Variants in CAMTA1 observed in about 807,000 individuals in gnomAD.
CAMTA1 encodes the protein calmodulin binding transcription activator 1, also known as calmodulin-binding transcription activator 1.
In CAMTA1, 27 loss-of-function variants were observed where a neutral mutation model predicts 170.9. The observed-to-expected ratio is 0.16, with a 90% CI of 0.12 to 0.22. CAMTA1 has a LOEUF of 0.22. Ranked by LOEUF, CAMTA1 falls within the 10% of genes least tolerant of loss-of-function variation. CAMTA1 has a pLI of 1.00. For missense variants in CAMTA1, 1,619 were observed against 2,217.2 expected (o/e 0.73, Z 5.42); for synonymous variants, 833 against 891.5 (o/e 0.93, Z 1.17).
chr1:7,073,732 A>G (rs897680110), intron 3 of CAMTA1, among the ~76,000 whole-genome samples: 6 of 152,214 alleles, frequency 3.9e-5, no homozygotes, highest in African/African-American at 1.2e-4. Flanking sequence ...GATGACCTTG[A>G]CAACAGTTGT....
At chr1:7,406,056 C>T (rs1050630472) in intron 5 of CAMTA1, among the ~76,000 whole-genome samples, 7 of 152,242 alleles carry the variant, frequency 4.6e-5, no homozygotes, top group Admixed American at 1.3e-4. Flanking sequence ...TGGTGAGGAA[C>T]AGGGGTCCCC....
At chr1:7,755,936 G>C (rs952164089) in intron 22 of CAMTA1, among the ~76,000 whole-genome samples, 3 of 152,188 alleles carry the variant, frequency 2.0e-5, no homozygotes, top group Admixed American at 6.5e-5. Context: ...CCGAGGATGC[G>C]GTGGAGGAAG....
intron 4 of CAMTA1, among the ~76,000 whole-genome samples, chr1:7,145,427 A>C (rs1646126971): frequency 6.6e-6 from 1 of 152,200 alleles, no homozygotes; most frequent in South Asian, 2.1e-4. Flanking sequence ...GTGCAGGGAA[A>C]ATTGGGCTTT....
rs544508198 is a variant in CAMTA1, at chr1:7,669,317, G to A, written c.2653-1594G>A. Among the ~76,000 whole-genome samples the A allele has an allele frequency of 7.9e-5, 12 of 152,380 alleles. No homozygotes were observed. In the South Asian group the frequency reaches 2.5e-3, roughly 32 times the overall value. ...AGTCTCTTTTCCTGGCTGGGCAATGGGAGGAGCTACTTCCACCTCATCCCT... is the reference window on the plus strand; with the variant it reads ...AGTCTCTTTTCCTGGCTGGGCAATGAGAGGAGCTACTTCCACCTCATCCCT... On this transcript the variant is annotated intron_variant, in intron 9 of 22. Transcript: ENST00000303635.
rs774307423 is a variant in CAMTA1, at chr1:7,732,507, G to A, written c.2974G>A (p.Glu992Lys). The change falls in exon 12 of 23, where the codon GAG becomes AAG. Residue 992 changes from glutamate to lysine, a missense_variant. Physicochemically the swap from Glu to Lys is moderately conservative, Grantham distance 56. Coordinates refer to ENST00000303635, the MANE Select transcript of CAMTA1 (RefSeq NM_015215.4). The surrounding 1 kb of genome is among the most constrained non-coding windows in gnomAD (Gnocchi z 4.1). ...GGAGCAGATGGAGAGGAGGATGGCC[G>A]AGATGACGGGGTCCCAGCAGCACAA... ...RLEQMERRMA[E>K]MTGSQQHKQA... The A allele has an allele frequency of 8.7e-6, 14 of 1,613,862 alleles. No individual in the cohort carries two copies. The highest frequency in any genetic ancestry group is 1.3e-5 in the African/African-American group (1 of 74,910).
intron 3 of CAMTA1, among the ~76,000 whole-genome samples, chr1:7,011,263 G>T (rs1441735900): frequency 6.6e-6 from 1 of 152,184 alleles, no homozygotes; most frequent in Non-Finnish European, 1.5e-5. Flanking sequence ...GGAGGGCAAT[G>T]CTGTGATCTC....
chr1:7,128,539 C>T (rs369526108), intron 4 of CAMTA1, among the ~76,000 whole-genome samples: 16 of 152,212 alleles, frequency 1.1e-4, no homozygotes, highest in East Asian at 3.9e-4. Context: ...TTGGAGGATT[C>T]GGTGTGAGAT....
In CAMTA1 at chr1:7,064,746, G is replaced by A. The variant is rs573991832; in HGVS notation, c.235-26558G>A. Among the ~76,000 whole-genome samples the A allele has an allele frequency of 6.6e-6, 1 of 152,204 alleles. No individual in the cohort carries two copies. The highest frequency in any genetic ancestry group is 2.4e-5 in the African/African-American group (1 of 41,526). The stretch of plus-strand genomic sequence containing the variant: ...AGAGCATGCTGGTACTGGAGGGTGG[G>A]GGAGGTGGCAGGAGTCCCATTCGGG... On this transcript the variant is annotated intron_variant, in intron 3 of 22. Transcript: ENST00000303635. This position sits in a 1 kb window ranked among gnomAD's most constrained non-coding sequence, Gnocchi z 5.4.
In CAMTA1 at chr1:7,044,432, C is replaced by T. The variant is rs1266650803; in HGVS notation, c.235-46872C>T. 1.3e-5 allele frequency among the ~76,000 whole-genome samples: 2 copies of T among 152,074 alleles called. No individual in the cohort carries two copies. The highest frequency in any genetic ancestry group is 2.1e-4 in the South Asian group (1 of 4,826). ...CGCAGAGCCGTGCCACTGGGGACCCCGGGAAAGCAGGGCAGTGCCACTGGG... is the reference window on the plus strand; with the variant it reads ...CGCAGAGCCGTGCCACTGGGGACCCTGGGAAAGCAGGGCAGTGCCACTGGG... On this transcript the variant is annotated intron_variant, in intron 3 of 22. Transcript: ENST00000303635. This position sits in a 1 kb window ranked among gnomAD's most constrained non-coding sequence, Gnocchi z 5.0.
At chr1:7,005,868 G>T (rs1406869727) in intron 3 of CAMTA1, among the ~76,000 whole-genome samples, 2 of 152,232 alleles carry the variant, frequency 1.3e-5, no homozygotes. Context: ...ACAGCCATTT[G>T]CAGAATCCAA....
intron 4 of CAMTA1, among the ~76,000 whole-genome samples, chr1:7,175,444 G>T (rs909735991): frequency 5.3e-5 from 8 of 152,176 alleles, no homozygotes; most frequent in Non-Finnish European, 1.2e-4. Context: ...CCACACGCTC[G>T]CATGATAACA....
intron 4 of CAMTA1, among the ~76,000 whole-genome samples, chr1:7,225,524 C>T (rs1013281697): frequency 2.6e-5 from 4 of 152,192 alleles, no homozygotes; most frequent in African/African-American, 9.6e-5. Context: ...ACTTCCCTTT[C>T]CTGGGGTTGT....
chr1:7,013,695 C>T (rs967859745), intron 3 of CAMTA1, among the ~76,000 whole-genome samples: 6 of 152,102 alleles, frequency 3.9e-5, no homozygotes, highest in African/African-American at 1.2e-4. Context: ...GTGCTGGACT[C>T]ACCGCCCCCC....
At chr1:7,483,774 G>A (rs1256437315) in intron 6 of CAMTA1, among the ~76,000 whole-genome samples, 1 of 152,098 alleles carries the variant, frequency 6.6e-6, no homozygotes, top group Non-Finnish European at 1.5e-5. Flanking sequence ...CCTGCTGACT[G>A]GAGGACTCCT....
At chr1:7,594,418 G>A (rs547198844) in intron 6 of CAMTA1, among the ~76,000 whole-genome samples, 41 of 152,334 alleles carry the variant, frequency 2.7e-4, no homozygotes, top group Non-Finnish European at 4.1e-4. Flanking sequence ...AAAGGGACCC[G>A]CAAGCCCTGG....
At chr1:6,802,966 GAACTCTTGGCCAGCTCA>G (rs2148229882) in intron 1 of CAMTA1, among the ~76,000 whole-genome samples, 1 of 152,288 alleles carries the variant, frequency 6.6e-6, no homozygotes, top group East Asian at 1.9e-4. Context: ...GGCTGGTCTT[GAACTCTTGGCCAGCTCA>G]AGCAATCCAC....
rs201706677 is a variant in CAMTA1, at chr1:6,899,542, G to T, written c.234+74332G>T. 3.2e-5 allele frequency among the ~76,000 whole-genome samples: 4 copies of T among 124,642 alleles called. No individual in the cohort carries two copies. In the Admixed American group the frequency reaches 3.7e-4, roughly 11 times the overall value. 81.8% of individuals were successfully genotyped at this position (124,642 alleles called of 152,430 possible). ...TTAAAAAATTATATGTGTATAACGC[G>T]CACGCGCGCGCGCACACACACACAC... is the stretch of plus-strand genomic sequence containing the variant. On this transcript the variant is annotated intron_variant, in intron 3 of 22. Coordinates refer to ENST00000303635, the MANE Select transcript of CAMTA1 (RefSeq NM_015215.4).
chr1:7,119,466 C>G (rs1383706297), intron 4 of CAMTA1, among the ~76,000 whole-genome samples: 1 of 152,162 alleles, frequency 6.6e-6, no homozygotes, highest in African/African-American at 2.4e-5. Context: ...CAGCGGGGGG[C>G]ATCATTTTTA....
At chr1:7,373,711 A>G (rs1476711558) in intron 5 of CAMTA1, among the ~76,000 whole-genome samples, 1 of 152,264 alleles carries the variant, frequency 6.6e-6, no homozygotes, top group African/African-American at 2.4e-5. Context: ...AAGGTTCTGC[A>G]TCTTTGATAG....
Sources: allele counts gnomAD v4.1 joint callset (sites outside exome capture counted in the v4.1 genomes callset), GRCh38; gene constraint gnomAD v4.1.1; non-coding constraint Gnocchi (gnomAD v3.1); transcripts MANE v1.5; gene names NCBI Gene and HGNC (gene_info 2026-07-23, HGNC 2026-07-21).